Variants in WWOX observed in about 807,000 individuals in gnomAD.
WWOX encodes WW domain containing oxidoreductase.
WWOX carries 69 observed loss-of-function variants against 46.2 expected under a neutral mutation model. The ratio of observed to expected loss-of-function variants is 1.49; its 90% CI spans 1.23 to 1.82. WWOX has a LOEUF of 1.82. WWOX is among the 40% of genes most tolerant of loss of function. The pLI is 0.00. For missense variants in WWOX, 919 were observed against 542.6 expected (o/e 1.69, Z -6.89); for synonymous variants, 359 against 202.6 (o/e 1.77, Z -6.56).
intron 8 of WWOX, among the ~76,000 whole-genome samples, chr16:79,138,250 G>C (rs2050021218): frequency 6.6e-6 from 1 of 152,292 alleles, no homozygotes; most frequent in Admixed American, 6.5e-5. Context: ...TATGTTCTAA[G>C]AGCAAGGTGC....
intron 8 of WWOX, among the ~76,000 whole-genome samples, chr16:79,195,288 G>GT (rs2051217169): frequency 6.6e-6 from 1 of 152,120 alleles, no homozygotes; most frequent in Non-Finnish European, 1.5e-5. Flanking sequence ...GCAGGATGGG[G>GT]TGGAGGGAGG....
At chr16:78,695,294 G>C (rs75178768) in intron 8 of WWOX, among the ~76,000 whole-genome samples, 2,700 of 152,128 alleles carry the variant, frequency 0.018, 68 homozygotes, top group African/African-American at 0.062. Context: ...GGGGAGCAAA[G>C]CAGCTTCCCC....
At chr16:79,162,668 C>A (rs1055258130) in intron 8 of WWOX, among the ~76,000 whole-genome samples, 6 of 152,306 alleles carry the variant, frequency 3.9e-5, no homozygotes, top group African/African-American at 7.2e-5. Flanking sequence ...CTTATGCTCT[C>A]AACAGATCAT....
At chr16:79,171,965 G>A (rs985422240) in intron 8 of WWOX, among the ~76,000 whole-genome samples, 1 of 152,178 alleles carries the variant, frequency 6.6e-6, no homozygotes, top group Non-Finnish European at 1.5e-5. Flanking sequence ...TTGGGTTTCA[G>A]ATGCAGTTGG....
At chr16:79,125,081 A>T (rs997378711) in intron 8 of WWOX, among the ~76,000 whole-genome samples, 2 of 151,536 alleles carry the variant, frequency 1.3e-5, no homozygotes, top group African/African-American at 4.9e-5. Context: ...ATTTCTCCCA[A>T]ACTATATGCA....
intron 8 of WWOX, among the ~76,000 whole-genome samples, chr16:78,986,549 T>G (rs1157778999): frequency 6.6e-6 from 1 of 152,190 alleles, no homozygotes; most frequent in Non-Finnish European, 1.5e-5. Flanking sequence ...TGAGGATAAA[T>G]AAGAACAAGA....
chr16:78,336,686 A>C (rs1014572121), intron 5 of WWOX, among the ~76,000 whole-genome samples: 8 of 152,250 alleles, frequency 5.3e-5, no homozygotes, highest in African/African-American at 1.9e-4. Flanking sequence ...ACATAGACCC[A>C]GAGCTGCCAT....
rs569186150 is a variant in WWOX at position 78,340,124 on chromosome 16, T to G, written c.517-46736T>G. Among the ~76,000 whole-genome samples, 13 of 116,868 alleles carry G rather than the reference T, an allele frequency of 1.1e-4. 1 individual carries two copies. Among genetic ancestry groups the G allele is most frequent in the African/African-American group, 3.5e-4 (12 of 34,540 alleles). 76.7% of individuals were successfully genotyped at this position (116,868 alleles called of 152,430 possible). ...TCTCTGATGTTAATGATAATTGTTT[T>G]AATTTTTCTTTTCTGTTTAGTTTCT... On this transcript the variant is annotated intron_variant, in intron 5 of 8. Coordinates refer to ENST00000566780, the MANE Select transcript of WWOX (RefSeq NM_016373.4).
In WWOX at chr16:79,127,654, G is replaced by T. The variant is rs1015046577; in HGVS notation, c.1057-83954G>T. ...AGAAATAGCAGCATCGGCTGAGAGAGTATGCACTCCGGTCGTTTTCATAGA... is the reference window on the plus strand; with the variant it reads ...AGAAATAGCAGCATCGGCTGAGAGATTATGCACTCCGGTCGTTTTCATAGA... On this transcript the variant is annotated intron_variant, in intron 8 of 8. Coordinates refer to ENST00000566780, the MANE Select transcript of WWOX (RefSeq NM_016373.4). Among the ~76,000 whole-genome samples the T allele has an allele frequency of 1.1e-4, 17 of 152,284 alleles. No homozygotes were observed. In the South Asian group the frequency reaches 3.5e-3, roughly 32 times the overall value.
chr16:79,089,681 G>A (rs1013866624), intron 8 of WWOX, among the ~76,000 whole-genome samples: 5 of 152,182 alleles, frequency 3.3e-5, no homozygotes, highest in Admixed American at 3.3e-4. Flanking sequence ...TCGAATTGGT[G>A]CACTAGAGAA....
chr16:78,146,277 A>C (rs1156375711), intron 4 of WWOX, among the ~76,000 whole-genome samples: 1 of 152,118 alleles, frequency 6.6e-6, no homozygotes, highest in African/African-American at 2.4e-5. Flanking sequence ...TAGGGTTCCA[A>C]AGCCTTCACC....
chr16:78,517,427 G>T (rs1379602600), intron 8 of WWOX, among the ~76,000 whole-genome samples: 2 of 150,744 alleles, frequency 1.3e-5, no homozygotes, highest in African/African-American at 4.9e-5. Flanking sequence ...ATTATTTCCA[G>T]CTATGTTTAA....
At chr16:78,415,039 TTATA>T (rs2082767249) in intron 6 of WWOX, among the ~76,000 whole-genome samples, 1 of 149,884 alleles carries the variant, frequency 6.7e-6, no homozygotes, top group Non-Finnish European at 1.5e-5. Flanking sequence ...CTAAGGATAT[TTATA>T]GTTAATTATT....
At chr16:78,802,053 TG>T (rs1411979068) in intron 8 of WWOX, among the ~76,000 whole-genome samples, 1 of 152,262 alleles carries the variant, frequency 6.6e-6, no homozygotes, top group African/African-American at 2.4e-5. Flanking sequence ...CTGGCTCTGC[TG>T]GTTATTATTA....
chr16:79,146,905 T>A (rs150856236), intron 8 of WWOX, among the ~76,000 whole-genome samples: 1 of 152,304 alleles, frequency 6.6e-6, no homozygotes, highest in African/African-American at 2.4e-5. Flanking sequence ...CATGTCTAGT[T>A]CACTGATTTT....
At chr16:78,930,051 G>A (rs77122852) in intron 8 of WWOX, among the ~76,000 whole-genome samples, 1 of 152,040 alleles carries the variant, frequency 6.6e-6, no homozygotes, top group Non-Finnish European at 1.5e-5. Flanking sequence ...TCTTGGGCGT[G>A]TCCTTAGGGG....
At chr16:78,158,028 C>T (rs1597283620) in intron 4 of WWOX, among the ~76,000 whole-genome samples, 2 of 152,210 alleles carry the variant, frequency 1.3e-5, no homozygotes, top group Non-Finnish European at 2.9e-5. Context: ...CAAGGCGTGA[C>T]CTTAGATCCC....
chr16:79,170,513 C>T (rs761005315), intron 8 of WWOX, among the ~76,000 whole-genome samples: 2 of 152,102 alleles, frequency 1.3e-5, no homozygotes, highest in Admixed American at 6.5e-5. Context: ...GAGTTTCATA[C>T]CCTAAATTAT....
chr16:78,920,004 G>A (rs571044758), intron 8 of WWOX, among the ~76,000 whole-genome samples: 1 of 152,266 alleles, frequency 6.6e-6, no homozygotes, highest in South Asian at 2.1e-4. Flanking sequence ...TTTTGGAAGG[G>A]AAGCACTGAG....
Sources: gnomAD v4.1 joint callset for allele counts (sites outside exome capture counted in the v4.1 genomes callset) on GRCh38, gnomAD v4.1.1 for gene constraint, MANE v1.5 for transcripts, NCBI Gene and HGNC (gene_info 2026-07-23, HGNC 2026-07-21) for gene names.